The following STK33 variants were observed in gnomAD, a reference collection of about 807,000 sequenced individuals.
The protein encoded by STK33 is serine/threonine kinase 33.
A neutral mutation model predicts 58.0 loss-of-function variants in STK33; 52 were observed. That is an observed-to-expected ratio of 0.90 (90% CI 0.72 to 1.13). The LOEUF is 1.13. Ranked by LOEUF, STK33 falls within the 50% of genes most tolerant of loss-of-function variation. STK33 has a pLI of 0.00. For missense variants in STK33, 630 were observed against 604.2 expected (o/e 1.04, Z -0.45); for synonymous variants, 215 against 200.1 (o/e 1.07, Z -0.63).
chr11:8,402,939 T>A (rs1347878449), intron 15 of STK33, among the ~76,000 whole-genome samples: 1 of 152,210 alleles, frequency 6.6e-6, no homozygotes, highest in Non-Finnish European at 1.5e-5. Flanking sequence ...ACTGATGCAA[T>A]TTTATAGTTT....
the STK33 span, among the ~76,000 whole-genome samples, chr11:8,375,010 T>C: frequency 6.6e-6 from 1 of 152,214 alleles, no homozygotes; most frequent in Admixed American, 6.5e-5. Flanking sequence ...TCCTCCATCT[T>C]GTAGCACAGA....
Position 8,437,236 on chromosome 11 carries a change from A to G in STK33, c.948-1097T>C, listed in dbSNP as rs577644273. ...CTTGTTTTCACATTCTTTAATACAG[A>G]AACAATGTACCTTTAGACTCTTAAT... On this transcript the variant is annotated intron_variant, in intron 12 of 15. Transcript: ENST00000687296. 4.6e-5 allele frequency among the ~76,000 whole-genome samples: 7 copies of G among 152,248 alleles called. No homozygotes were observed. In the South Asian group the frequency reaches 1.0e-3, roughly 22 times the overall value.
intron 14 of STK33, among the ~76,000 whole-genome samples, chr11:8,424,782 GTC>G (rs1169015136): frequency 1.5e-5 from 2 of 136,774 alleles, no homozygotes; most frequent in African/African-American, 6.0e-5. Context: ...CTGCATAAAT[GTC>G]TTCTTTTGAG....
chr11:8,473,127 G>T, intron 6 of STK33, 36 bp downstream of exon 6: 1 of 1,379,388 alleles, frequency 7.2e-7, no homozygotes, highest in Non-Finnish European at 1.0e-6. Flanking sequence ...GAAGAAACCT[G>T]AAAGTTCACA....
chr11:8,360,529 G>A, the STK33 span, among the ~76,000 whole-genome samples: 1 of 152,234 alleles, frequency 6.6e-6, no homozygotes, highest in African/African-American at 2.4e-5. Flanking sequence ...CCATTTATGA[G>A]TCCACAGTCT....
intron 9 of STK33, 145 bp downstream of exon 9, chr11:8,457,196 A>C (rs186847003): frequency 0.095 from 64,506 of 676,702 alleles, 3,344 homozygotes; most frequent in Middle Eastern, 0.11. Flanking sequence ...AAGAAAGTTA[A>C]AAAGGAAACA....
intron 1 of STK33, among the ~76,000 whole-genome samples, chr11:8,548,399 T>C (rs1310489840): frequency 6.6e-6 from 1 of 152,232 alleles, no homozygotes; most frequent in African/African-American, 2.4e-5. Context: ...GGAGGCTTTG[T>C]TGAAAATAAA....
chr11:8,586,977 G>A (rs1241771655), intron 1 of STK33, among the ~76,000 whole-genome samples: 1 of 152,174 alleles, frequency 6.6e-6, no homozygotes, highest in Non-Finnish European at 1.5e-5. Context: ...CTCAAATTAG[G>A]GAAGTGAGGA....
chr11:8,433,150 A>G (rs1564943858), intron 14 of STK33, among the ~76,000 whole-genome samples: 1 of 152,264 alleles, frequency 6.6e-6, no homozygotes. Flanking sequence ...CAATTACTTT[A>G]GGCCAGAAAT....
chr11:8,424,069 T>C (rs1287196599), intron 14 of STK33, among the ~76,000 whole-genome samples: 1 of 151,860 alleles, frequency 6.6e-6, no homozygotes, highest in East Asian at 1.9e-4. Context: ...ACATGTGCCA[T>C]GTTGGTGTGC....
intron 12 of STK33, 30 bp from the exon 13 acceptor site, chr11:8,436,169 T>A: frequency 7.7e-7 from 1 of 1,304,834 alleles, no homozygotes; most frequent in Non-Finnish European, 1.0e-6. Context: ...TTTGTTTAAA[T>A]TTTTTAAATA....
chr11:8,346,577 G>A, the STK33 span, among the ~76,000 whole-genome samples: 8,562 of 152,278 alleles, frequency 0.056, 340 homozygotes, highest in African/African-American at 0.11. Flanking sequence ...TATCTGTGAG[G>A]AAAGGCCCGG....
rs532147032 is a variant in STK33 at position 8,584,735 on chromosome 11, A to T, written c.-466+9348T>A. Among the ~76,000 whole-genome samples the T allele has an allele frequency of 2.6e-5, 4 of 152,262 alleles. No homozygotes were observed. The South Asian group carries it at 6.2e-4, about 24-fold the overall frequency. ...TTTCTGTTACCAAGTGCCAGGGCAA[A>T]CAGGAGATAGACCCTTTCAGACAAA... On this transcript the variant is annotated intron_variant, in intron 1 of 15. Coordinates refer to ENST00000687296, the MANE Select transcript of STK33 (RefSeq NM_001352389.2).
Position 8,553,201 on chromosome 11 carries a change from G to GTATATATATATATATATATATATGGTGTA in STK33, c.-466+40881_-466+40882insTACACCATATATATATATATATATATATA, listed in dbSNP as rs1956465138. 1.4e-3 allele frequency among the ~76,000 whole-genome samples: 84 copies of GTATATATATATATATATATATATGGTGTA among 61,098 alleles called. 2 individuals carry two copies. Among genetic ancestry groups the GTATATATATATATATATATATATGGTGTA allele is most frequent in the East Asian group, 0.013 (27 of 2,066 alleles). 40.1% of individuals were successfully genotyped at this position (61,098 alleles called of 152,430 possible). On this transcript the variant is annotated intron_variant, in intron 1 of 15. Transcript: ENST00000687296. The stretch of plus-strand genomic sequence containing the variant: ...ATATATATATATATATATATATGGT[G>GTATATATATATATATATATATATGGTGTA]TATATATATATATATATATATATGG...
chr11:8,490,910 T>A (rs573095431), intron 1 of STK33, among the ~76,000 whole-genome samples: 50 of 152,006 alleles, frequency 3.3e-4, no homozygotes, highest in African/African-American at 1.2e-3. Context: ...ACAAAAAGGA[T>A]ATCCACACCA....
intron 14 of STK33, among the ~76,000 whole-genome samples, chr11:8,434,687 G>A (rs941051891): frequency 6.6e-6 from 1 of 152,028 alleles, no homozygotes; most frequent in South Asian, 2.1e-4. Flanking sequence ...AATCTAATAT[G>A]GCTACTCAAA....
intron 1 of STK33, among the ~76,000 whole-genome samples, chr11:8,524,757 C>T (rs1422627067): frequency 2.0e-5 from 3 of 151,820 alleles, no homozygotes; most frequent in African/African-American, 7.3e-5. Context: ...TCAAAGTTTC[C>T]AAGAACCTAT....
chr11:8,382,385 C>T, the STK33 span, among the ~76,000 whole-genome samples: 1 of 152,234 alleles, frequency 6.6e-6, no homozygotes, highest in Admixed American at 6.5e-5. Context: ...AATGATGCAT[C>T]TGAGCCTCTG....
chr11:8,364,505 T>C, the STK33 span, among the ~76,000 whole-genome samples: 3 of 152,196 alleles, frequency 2.0e-5, no homozygotes, highest in African/African-American at 7.2e-5. Flanking sequence ...TTGATCATGA[T>C]ATGTATCTGC....
Sources: gnomAD v4.1 joint callset for allele counts (sites outside exome capture counted in the v4.1 genomes callset) on GRCh38, gnomAD v4.1.1 for gene constraint, MANE v1.5 for transcripts, NCBI Gene and HGNC (gene_info 2026-07-23, HGNC 2026-07-21) for gene names.